The following CDKAL1 variants were observed in gnomAD, a reference collection of about 807,000 sequenced individuals.
The protein encoded by CDKAL1 is CDKAL1 threonylcarbamoyladenosine tRNA methylthiotransferase, also known as threonylcarbamoyladenosine tRNA methylthiotransferase.
CDKAL1 carries 32 observed loss-of-function variants against 68.2 expected under a neutral mutation model. That is an observed-to-expected ratio of 0.47 (90% CI 0.35 to 0.63). CDKAL1 has a LOEUF of 0.63. CDKAL1 is among the 30% of genes least tolerant of loss of function. The pLI is 0.00. For missense variants in CDKAL1, 606 were observed against 696.7 expected (o/e 0.87, Z 1.47); for synonymous variants, 234 against 244.3 (o/e 0.96, Z 0.39).
chr6:21,205,896 G>A (rs1361807126), intron 15 of CDKAL1, among the ~76,000 whole-genome samples: 9 of 116,270 alleles, frequency 7.7e-5, no homozygotes, highest in Non-Finnish European at 1.1e-4. Context: ...GTGCAGTGGC[G>A]CGATCTTGGC....
At chr6:20,964,187 A>G (rs1420250567) in intron 10 of CDKAL1, among the ~76,000 whole-genome samples, 1 of 152,214 alleles carries the variant, frequency 6.6e-6, no homozygotes, top group African/African-American at 2.4e-5. Flanking sequence ...ACGGAGAAAA[A>G]GGAATGCTTA....
intron 8 of CDKAL1, among the ~76,000 whole-genome samples, chr6:20,810,594 C>A (rs1168306774): frequency 3.4e-5 from 5 of 148,868 alleles, no homozygotes; most frequent in Non-Finnish European, 5.9e-5. Context: ...GAGACACTCT[C>A]TTTTTAAAAA....
intron 2 of CDKAL1, among the ~76,000 whole-genome samples, chr6:20,536,395 C>T (rs1322282491): frequency 5.9e-5 from 9 of 151,884 alleles, no homozygotes; most frequent in Admixed American, 6.6e-5. Context: ...GGTCTATGAT[C>T]CATTTTCGGT....
chr6:20,804,417 A>G (rs1377962939), intron 8 of CDKAL1, among the ~76,000 whole-genome samples: 1 of 152,280 alleles, frequency 6.6e-6, no homozygotes, highest in Non-Finnish European at 1.5e-5. Flanking sequence ...CCTGTGGGCC[A>G]GAGCTAGTCA....
chr6:20,783,088 C>T (rs1775502777), intron 8 of CDKAL1, among the ~76,000 whole-genome samples: 1 of 152,074 alleles, frequency 6.6e-6, no homozygotes, highest in African/African-American at 2.4e-5. Context: ...CGCCACCATG[C>T]CCGGTTAATT....
intron 4 of CDKAL1, among the ~76,000 whole-genome samples, chr6:20,594,747 A>C (rs1426258190): frequency 6.6e-6 from 1 of 152,148 alleles, no homozygotes; most frequent in African/African-American, 2.4e-5. Flanking sequence ...TATTTTGCCC[A>C]TTAGTTGATG....
At chr6:20,635,535 T>C (rs1159894299) in intron 4 of CDKAL1, among the ~76,000 whole-genome samples, 1 of 152,120 alleles carries the variant, frequency 6.6e-6, no homozygotes, top group African/African-American at 2.4e-5. Context: ...CACTTACTGG[T>C]TGAGCGTCCC....
chr6:20,671,569 C>T (rs1000385048), intron 5 of CDKAL1, among the ~76,000 whole-genome samples: 6 of 152,148 alleles, frequency 3.9e-5, no homozygotes, highest in Non-Finnish European at 7.3e-5. Flanking sequence ...TTTTCTAGTA[C>T]TTGTCACTTA....
intron 13 of CDKAL1, among the ~76,000 whole-genome samples, chr6:21,134,908 G>A (rs906946654): frequency 6.6e-5 from 10 of 151,992 alleles, no homozygotes; most frequent in African/African-American, 2.4e-4. Flanking sequence ...ACTTTTAACT[G>A]TTTCTTCCAA....
chr6:20,609,265 C>CCT (rs1766479945), intron 4 of CDKAL1, among the ~76,000 whole-genome samples: 1 of 59,866 alleles, frequency 1.7e-5, no homozygotes, highest in Non-Finnish European at 3.2e-5. Flanking sequence ...TCCTTCCTTC[C>CCT]TCCTCCTTCT....
At chr6:20,912,415 G>A (rs1379402576) in intron 9 of CDKAL1, among the ~76,000 whole-genome samples, 1 of 152,180 alleles carries the variant, frequency 6.6e-6, no homozygotes, top group Non-Finnish European at 1.5e-5. Flanking sequence ...TGAGGGAAGT[G>A]TAGTGTGTTG....
chr6:20,749,067 C>T (rs1253303854), intron 6 of CDKAL1, among the ~76,000 whole-genome samples: 3 of 151,784 alleles, frequency 2.0e-5, no homozygotes, highest in African/African-American at 7.3e-5. Context: ...GGGATAAAAT[C>T]AAGAGATAGT....
At chr6:20,851,674 T>G (rs1012605367) in intron 9 of CDKAL1, among the ~76,000 whole-genome samples, 2 of 151,954 alleles carry the variant, frequency 1.3e-5, no homozygotes, top group Non-Finnish European at 2.9e-5. Flanking sequence ...AGAAAATTTC[T>G]TGATGCCTAG....
intron 12 of CDKAL1, among the ~76,000 whole-genome samples, chr6:21,093,694 CTTTTTTTTTTTTT>C (rs547923386): frequency 0.24 from 20,925 of 88,280 alleles, 2,594 homozygotes; most frequent in East Asian, 0.62. Context: ...GCTGCTGCTG[CTTTTTTTTTTTTT>C]TTTTTTTTTT....
intron 5 of CDKAL1, among the ~76,000 whole-genome samples, chr6:20,716,281 A>G (rs531710242): frequency 2.6e-5 from 4 of 152,224 alleles, no homozygotes; most frequent in Non-Finnish European, 5.9e-5. Context: ...ATGAGGTCAA[A>G]TGGGGCCTAT....
intron 4 of CDKAL1, among the ~76,000 whole-genome samples, chr6:20,566,312 T>A (rs994183875): frequency 1.3e-5 from 2 of 152,180 alleles, no homozygotes; most frequent in African/African-American, 4.8e-5. Context: ...CCCTTCTGTG[T>A]GGCCTAGATA....
chr6:20,817,187 G>A (rs1013888851), intron 8 of CDKAL1, among the ~76,000 whole-genome samples: 4 of 152,108 alleles, frequency 2.6e-5, no homozygotes, highest in African/African-American at 9.6e-5. Context: ...TGAGATTTTT[G>A]CTTGTAGCAC....
At chr6:20,590,821 G>A (rs950972391) in intron 4 of CDKAL1, among the ~76,000 whole-genome samples, 8 of 152,168 alleles carry the variant, frequency 5.3e-5, no homozygotes, top group African/African-American at 1.9e-4. Flanking sequence ...AAACATACAT[G>A]TGCATCTGTC....
At chr6:20,743,683 T>C (rs1464200606) in intron 6 of CDKAL1, among the ~76,000 whole-genome samples, 5 of 152,158 alleles carry the variant, frequency 3.3e-5, no homozygotes, top group African/African-American at 1.2e-4. Flanking sequence ...TGATTAATAT[T>C]ATTTGTGTGA....
Sources: gnomAD v4.1 joint callset for allele counts (sites outside exome capture counted in the v4.1 genomes callset) on GRCh38, gnomAD v4.1.1 for gene constraint, MANE v1.5 for transcripts, NCBI Gene and HGNC (gene_info 2026-07-23, HGNC 2026-07-21) for gene names.